EMP1: variants seen among roughly 807,000 people sequenced by gnomAD.
EMP1 encodes epithelial membrane protein 1.
Under a neutral mutation model 15.7 loss-of-function variants are expected in EMP1, and 5 were observed. The ratio of observed to expected loss-of-function variants is 0.32; its 90% CI spans 0.17 to 0.67. EMP1 has a LOEUF of 0.67. Ranked by LOEUF, EMP1 falls within the 30% of genes least tolerant of loss-of-function variation. The pLI, the probability that EMP1 is intolerant of heterozygous loss-of-function variation, is 0.74. For missense variants in EMP1, 166 were observed against 194.2 expected (o/e 0.85, Z 0.86); for synonymous variants, 78 against 76.7 (o/e 1.02, Z -0.09).
intron 1 of EMP1, among the ~76,000 whole-genome samples, chr12:13,197,706 T>C (rs10845711): frequency 0.38 from 57,703 of 151,504 alleles, 11,738 homozygotes; most frequent in East Asian, 0.79. Flanking sequence ...ATCCGGGAGA[T>C]GGTGGTTGCA....
chr12:13,216,580 A>G lies in EMP1; in HGVS notation c.*1889A>G, dbSNP rs1864217871. ...AGAAGTTGAACTATGACTGGAGTAAACCATGTATTCCCTTATCTTTTACTT... is the reference window on the plus strand; with the variant it reads ...AGAAGTTGAACTATGACTGGAGTAAGCCATGTATTCCCTTATCTTTTACTT... On this transcript the variant is annotated 3_prime_UTR_variant, in exon 5 of 5. Transcript: ENST00000256951. 1.6e-6 allele frequency: 1 copy of G among 644,688 alleles called. No individual in the cohort carries two copies. The highest frequency in any genetic ancestry group is 2.8e-6 in the Non-Finnish European group (1 of 360,126). 39.9% of individuals were successfully genotyped at this position (644,688 alleles called of 1,614,324 possible).
chr12:13,207,275 C>A (rs553620148), intron 1 of EMP1, among the ~76,000 whole-genome samples: 83 of 152,210 alleles, frequency 5.5e-4, no homozygotes, highest in Non-Finnish European at 1.1e-3. Flanking sequence ...CCACGCCCGG[C>A]TAATTTCTTG....
intron 4 of EMP1, 150 bp from the exon 5 acceptor site, chr12:13,214,384 A>T (rs1282058292): frequency 1.9e-6 from 2 of 1,059,694 alleles, no homozygotes; most frequent in Admixed American, 5.1e-5. Flanking sequence ...GGCCCAGGGG[A>T]CATCCATCAG....
chr12:13,216,420 T>C lies in EMP1; in HGVS notation c.*1729T>C, dbSNP rs1239128283. 2 of 702,368 alleles carry C rather than the reference T, an allele frequency of 2.8e-6. No individual in the cohort carries two copies. Among genetic ancestry groups the C allele is most frequent in the Non-Finnish European group, 5.2e-6 (2 of 384,768 alleles). 43.5% of individuals were successfully genotyped at this position (702,368 alleles called of 1,614,324 possible). On this transcript the variant is annotated 3_prime_UTR_variant, in exon 5 of 5. Transcript: ENST00000256951. ...ATTACCTAGGCTGAGGTTAGAGAGA[T>C]TGGCCAGCAAAAACTGTGGGAAGAT... is the stretch of plus-strand genomic sequence containing the variant.
chr12:13,207,269 G>A (rs932204890), intron 1 of EMP1, among the ~76,000 whole-genome samples: 8 of 152,030 alleles, frequency 5.3e-5, no homozygotes, highest in African/African-American at 1.7e-4. Flanking sequence ...GCACCACCAC[G>A]CCCGGCTAAT....
At chr12:13,213,943 CT>C (rs1565580039) in intron 4 of EMP1, 122 bp downstream of exon 4, 1 of 1,403,954 alleles carries the variant, frequency 7.1e-7, no homozygotes, top group East Asian at 2.3e-5. Flanking sequence ...ATTTTCTCCT[CT>C]GGTTATTTGT....
chr12:13,197,786 A>C (rs1851875139), intron 1 of EMP1, among the ~76,000 whole-genome samples: 2 of 152,314 alleles, frequency 1.3e-5, no homozygotes, highest in South Asian at 2.1e-4. Context: ...AAAAGGAAAA[A>C]AAAGAAAAAG....
In EMP1 at chr12:13,211,434, A is replaced by G; in HGVS notation, c.-42-35A>G. 6.8e-7 allele frequency: 1 copy of G among 1,479,236 alleles called. No individual in the cohort carries two copies. Among genetic ancestry groups the G allele is most frequent in the South Asian group, 1.2e-5 (1 of 85,946 alleles). The allele number at this position is 1,479,236 out of a possible 1,614,324, so 91.6% of individuals were successfully genotyped here. A position where few individuals can be genotyped will look rare whatever the true frequency, so the allele number is the denominator to read the frequency against. ...GCTGAGTCGTCTTATTGAATCTGAC[A>G]GTAACCGTTTTTGTCCCTTTCTTTT... On this transcript the variant is annotated intron_variant, in intron 1 of 4. Coordinates refer to ENST00000256951, the MANE Select transcript of EMP1 (RefSeq NM_001423.3). The surrounding 1 kb of genome is among the most constrained non-coding windows in gnomAD (Gnocchi z 4.7).
rs1288625547 is a variant in EMP1 at position 13,214,624 on chromosome 12, T to G, written c.407T>G (p.Leu136Arg). ...TATCACCACGGCTATTCCTACATCC[T>G]GGGCTGGATCTGCTTCTGCTTCAGC... ...TQYHHGYSYILGWICFCFSFI... is the reference protein window; with the variant it reads ...TQYHHGYSYIRGWICFCFSFI... Residue 136 changes from leucine (L) to arginine (R), a missense_variant, in exon 5 of 5, where the codon CTG becomes CGG. Coordinates refer to ENST00000256951, the MANE Select transcript of EMP1 (RefSeq NM_001423.3). 1 of 1,613,890 alleles carries G rather than the reference T, an allele frequency of 6.2e-7. No homozygotes were observed. The highest frequency in any genetic ancestry group is 8.5e-7 in the Non-Finnish European group (1 of 1,179,966).
At chr12:13,205,346 T>A (rs1390489789) in intron 1 of EMP1, among the ~76,000 whole-genome samples, 1 of 152,168 alleles carries the variant, frequency 6.6e-6, no homozygotes, top group Non-Finnish European at 1.5e-5. Flanking sequence ...TATATTCAAA[T>A]GCACTCAGGA....
chr12:13,216,288 G>T lies in EMP1; in HGVS notation c.*1597G>T. 1.5e-6 allele frequency: 1 copy of T among 670,750 alleles called. No homozygotes were observed. The highest frequency in any genetic ancestry group is 2.3e-5 in the Admixed American group (1 of 43,838). 41.5% of individuals were successfully genotyped at this position (670,750 alleles called of 1,614,324 possible). A position where few individuals can be genotyped will look rare whatever the true frequency, so the allele number is the denominator to read the frequency against. On this transcript the variant is annotated 3_prime_UTR_variant, in exon 5 of 5. Coordinates refer to ENST00000256951, the MANE Select transcript of EMP1 (RefSeq NM_001423.3). ...CATTTCTTTTATACCTTTCCTTTTT[G>T]GGGAGTTGTTATGCCATGATTTTTG... is the stretch of plus-strand genomic sequence containing the variant.
chr12:13,210,069 T>C (rs1357113893), intron 1 of EMP1, among the ~76,000 whole-genome samples: 1 of 152,200 alleles, frequency 6.6e-6, no homozygotes, highest in African/African-American at 2.4e-5. Context: ...CCCTGATGTA[T>C]ATTAGATCAC....
In EMP1 at chr12:13,214,766, C is replaced by A; in HGVS notation, c.*75C>A. On this transcript the variant is annotated 3_prime_UTR_variant, in exon 5 of 5. Coordinates refer to ENST00000256951, the MANE Select transcript of EMP1 (RefSeq NM_001423.3). The stretch of plus-strand genomic sequence containing the variant: ...GAATCTGGGAGGGAAGTGGAGGTTG[C>A]TGTACAGGAAAAACCGAGATAGGGG... 2.5e-6 allele frequency: 3 copies of A among 1,211,690 alleles called. No homozygotes were observed. Among genetic ancestry groups the A allele is most frequent in the African/African-American group, 1.9e-5 (1 of 53,322 alleles). The allele number at this position is 1,211,690 out of a possible 1,614,324, so 75.1% of individuals were successfully genotyped here.
intron 1 of EMP1, among the ~76,000 whole-genome samples, chr12:13,210,438 T>C (rs1235765425): frequency 6.6e-6 from 1 of 152,220 alleles, no homozygotes; most frequent in Non-Finnish European, 1.5e-5. Context: ...GCCTCCCCCA[T>C]GTGTATCCTT....
At chr12:13,207,123 T>G (rs1404862432) in intron 1 of EMP1, among the ~76,000 whole-genome samples, 1 of 152,144 alleles carries the variant, frequency 6.6e-6, no homozygotes, top group Admixed American at 6.5e-5. Flanking sequence ...CTATTTTATT[T>G]TATTTTGAGA....
In EMP1 at chr12:13,211,336, T is replaced by A; in HGVS notation, c.-42-133T>A. ...TAGGTTACAGGGGTGTTTTCAGGAA[T>A]TTATGATTAGATTGTGATGGTTTTT... On this transcript the variant is annotated intron_variant, in intron 1 of 4. Transcript: ENST00000256951. The surrounding 1 kb of genome is among the most constrained non-coding windows in gnomAD (Gnocchi z 4.7). 2 of 681,146 alleles carry A rather than the reference T, an allele frequency of 2.9e-6. No individual in the cohort carries two copies. Among genetic ancestry groups the A allele is most frequent in the Non-Finnish European group, 2.5e-6 (1 of 393,026 alleles). 42.2% of individuals were successfully genotyped at this position (681,146 alleles called of 1,614,324 possible).
intron 2 of EMP1, 184 bp from the exon 3 acceptor site, chr12:13,213,295 C>A (rs1864183110): frequency 3.2e-6 from 2 of 618,376 alleles, no homozygotes; most frequent in Non-Finnish European, 5.7e-6. Context: ...CTTCTCTTGG[C>A]AACTTTGTGA....
At chr12:13,203,658 C>T (rs1339205370) in intron 1 of EMP1, among the ~76,000 whole-genome samples, 1 of 152,272 alleles carries the variant, frequency 6.6e-6, no homozygotes, top group Non-Finnish European at 1.5e-5. Context: ...GGCCCCCACT[C>T]TGTGCCTGGC....
intron 2 of EMP1, among the ~76,000 whole-genome samples, chr12:13,213,048 A>G (rs894330953): frequency 1.3e-5 from 2 of 152,196 alleles, no homozygotes; most frequent in Non-Finnish European, 2.9e-5. Flanking sequence ...AATTGTTTCC[A>G]GTTGGACATT....
Sources: allele counts gnomAD v4.1 joint callset (sites outside exome capture counted in the v4.1 genomes callset), GRCh38; gene constraint gnomAD v4.1.1; non-coding constraint Gnocchi (gnomAD v3.1); transcripts MANE v1.5; gene names NCBI Gene and HGNC (gene_info 2026-07-23, HGNC 2026-07-21).